SLC17A2: variants seen among roughly 807,000 people sequenced by gnomAD.
SLC17A2 encodes the protein solute carrier family 17 member 2, also known as sodium-dependent phosphate transport protein 3.
SLC17A2 carries 38 observed loss-of-function variants against 52.1 expected under a neutral mutation model. The ratio of observed to expected loss-of-function variants is 0.73; its 90% CI spans 0.56 to 0.96. The LOEUF (loss-of-function observed/expected upper bound fraction) is 0.96. Among genes scored for constraint, SLC17A2 ranks in the 40% least tolerant of loss-of-function variants. The pLI is 0.00. For synonymous variants in SLC17A2, 226 were observed against 211.9 expected, an observed-to-expected ratio of 1.07 and a Z score of -0.58; for missense variants, 508 against 583.9, an observed-to-expected ratio of 0.87 and a Z score of 1.34.
At chr6:25,915,279 A>ATC (rs1766266070) in intron 10 of SLC17A2, among the ~76,000 whole-genome samples, 1 of 150,166 alleles carries the variant, frequency 6.7e-6, no homozygotes, top group Non-Finnish European at 1.5e-5. Context: ...GAAGCTTGGG[A>ATC]AGGTTTTTGT....
Position 25,925,860 on chromosome 6 carries a change from T to C in SLC17A2, c.-64A>G. The C allele has an allele frequency of 6.7e-7, 1 of 1,485,088 alleles. No homozygotes were observed. Among genetic ancestry groups the C allele is most frequent in the Non-Finnish European group, 9.4e-7 (1 of 1,062,292 alleles). The allele number at this position is 1,485,088 out of a possible 1,614,324, so 92.0% of individuals were successfully genotyped here. A position where few individuals can be genotyped will look rare whatever the true frequency, so the allele number is the denominator to read the frequency against. On this transcript the variant is annotated 5_prime_UTR_variant, in exon 2 of 12. Transcript: ENST00000377850. ...AGTTTCCCTGTGCCCTGAATCTCTT[T>C]TACTACGACAGTCTTTTATCTATGG...
intron 1 of SLC17A2, among the ~76,000 whole-genome samples, chr6:25,928,813 C>A (rs374368185): frequency 6.6e-6 from 1 of 151,898 alleles, no homozygotes; most frequent in Non-Finnish European, 1.5e-5. Flanking sequence ...AGTGTCAGAA[C>A]CCTTCCCTTT....
At chr6:25,929,687 G>A (rs1349129233) in intron 1 of SLC17A2, among the ~76,000 whole-genome samples, 1 of 152,106 alleles carries the variant, frequency 6.6e-6, no homozygotes, top group Non-Finnish European at 1.5e-5. Flanking sequence ...CAATGTCCCT[G>A]GGTGCCTTTT....
intron 1 of SLC17A2, among the ~76,000 whole-genome samples, chr6:25,928,298 T>A (rs756290704): frequency 6.6e-6 from 1 of 152,122 alleles, no homozygotes; most frequent in African/African-American, 2.4e-5. Context: ...TTTTGAGGTA[T>A]TATAAAGGAG....
At chr6:25,918,837 A>T (rs182830305) in intron 5 of SLC17A2, among the ~76,000 whole-genome samples, 3 of 152,272 alleles carry the variant, frequency 2.0e-5, no homozygotes, top group African/African-American at 7.2e-5. Context: ...AGTTTGTCAC[A>T]GTAACTCTCT....
chr6:25,915,649 G>C lies in SLC17A2; in HGVS notation c.1064-3C>G. The C allele has an allele frequency of 6.2e-7, 1 of 1,613,624 alleles. No homozygotes were observed. ...ACATATTGATGGAAGGAGGAGCCCT[G>C]GGCAATGAGGACATGCTGTCAGGGA... On this transcript the variant is annotated splice_region_variant and splice_polypyrimidine_tract_variant and intron_variant, in intron 9 of 11. Transcript: ENST00000377850.
chr6:25,920,738 G>A (rs181332168), intron 5 of SLC17A2, among the ~76,000 whole-genome samples: 1 of 151,994 alleles, frequency 6.6e-6, no homozygotes, highest in African/African-American at 2.4e-5. Context: ...AACTTTTTCC[G>A]ACAAGGCTTT....
intron 10 of SLC17A2, 68 bp from the exon 11 acceptor site, chr6:25,914,738 C>A: frequency 1.0e-6 from 1 of 964,564 alleles, no homozygotes; most frequent in Non-Finnish European, 1.6e-6. Flanking sequence ...AGCAACTCAA[C>A]TTTAATGCAA....
In SLC17A2 at chr6:25,921,182, G is replaced by A; in HGVS notation, c.471C>T (p.Ala157=). ...VIMVRTVQGM[A]QGMAWTGQFT... ...GAATGAGAAAGTATCTGGATACCTG[G>A]GCCATGCCCTGGACTGTCCGAACCA... Residue 157 remains alanine (A), a synonymous_variant, in exon 4 of 12, where the codon GCC becomes GCT. Coordinates refer to ENST00000377850, the MANE Select transcript of SLC17A2 (RefSeq NM_001286123.3). 1 of 1,613,952 alleles carries A rather than the reference G, an allele frequency of 6.2e-7. No homozygotes were observed. The highest frequency in any genetic ancestry group is 8.5e-7 in the Non-Finnish European group (1 of 1,179,920).
At chr6:25,914,443 G>A in intron 11 of SLC17A2, 137 bp downstream of exon 11, 1 of 632,034 alleles carries the variant, frequency 1.6e-6, no homozygotes, top group Non-Finnish European at 2.9e-6. Flanking sequence ...TGGGAAATCT[G>A]ACCTACCAGA....
intron 2 of SLC17A2, among the ~76,000 whole-genome samples, chr6:25,925,284 C>T (rs1766717681): frequency 6.6e-6 from 1 of 152,028 alleles, no homozygotes; most frequent in Non-Finnish European, 1.5e-5. Context: ...GAGGCCGAGG[C>T]CGGTGGATCA....
At chr6:25,913,668 A>C (rs995918745) in intron 11 of SLC17A2, among the ~76,000 whole-genome samples, 4 of 152,366 alleles carry the variant, frequency 2.6e-5, no homozygotes, top group African/African-American at 9.6e-5. Context: ...AAACAAAAAT[A>C]AAATACACTA....
intron 3 of SLC17A2, among the ~76,000 whole-genome samples, chr6:25,922,285 G>A (rs890790080): frequency 2.0e-5 from 3 of 152,176 alleles, no homozygotes; most frequent in African/African-American, 7.2e-5. Context: ...CAGAAAGGAA[G>A]CAATACTTGA....
At chr6:25,926,891 AC>A (rs1203143729) in intron 1 of SLC17A2, among the ~76,000 whole-genome samples, 1 of 152,054 alleles carries the variant, frequency 6.6e-6, no homozygotes, top group Non-Finnish European at 1.5e-5. Context: ...ACATGGTGAA[AC>A]CCCATCTCTA....
rs773738887 is a variant in SLC17A2 at position 25,923,923 on chromosome 6, A to T, written c.29-17T>A. 17 of 1,602,948 alleles carry T rather than the reference A, an allele frequency of 1.1e-5. No individual in the cohort carries two copies. Among genetic ancestry groups the T allele is most frequent in the Middle Eastern group, 1.7e-4 (1 of 6,018 alleles). On this transcript the variant is annotated splice_polypyrimidine_tract_variant and intron_variant, in intron 2 of 11. Transcript: ENST00000377850. ...AATCTGGACCTAGACAACAACACAG[A>T]TGTATGTAGTGAGCATCCTGACTGA... is the stretch of plus-strand genomic sequence containing the variant.
At chr6:25,913,532 T>C (rs891736843) in intron 11 of SLC17A2, 81 bp from the exon 12 acceptor site, 5 of 1,326,796 alleles carry the variant, frequency 3.8e-6, no homozygotes, top group Non-Finnish European at 5.3e-6. Flanking sequence ...AGTTGTGTAT[T>C]GCAATGTTGA....
intron 2 of SLC17A2, among the ~76,000 whole-genome samples, chr6:25,924,836 A>T (rs1766700206): frequency 6.6e-6 from 1 of 151,962 alleles, no homozygotes; most frequent in South Asian, 2.1e-4. Context: ...TAATATGTAG[A>T]ACTATTTTTA....
At chr6:25,923,606 A>T (rs1461289710) in intron 3 of SLC17A2, 89 bp downstream of exon 3, 6 of 954,528 alleles carry the variant, frequency 6.3e-6, no homozygotes, top group Non-Finnish European at 8.2e-6. Flanking sequence ...TTGGAAATGT[A>T]TACTTCCATA....
intron 10 of SLC17A2, 143 bp downstream of exon 10, chr6:25,915,356 T>C (rs1766268612): frequency 1.4e-6 from 1 of 723,822 alleles, no homozygotes; most frequent in African/African-American, 1.8e-5. Flanking sequence ...GTTCTAAAAA[T>C]GGCCACAGAC....
Sources: allele counts gnomAD v4.1 joint callset (sites outside exome capture counted in the v4.1 genomes callset), GRCh38; gene constraint gnomAD v4.1.1; transcripts MANE v1.5; gene names NCBI Gene and HGNC (gene_info 2026-07-23, HGNC 2026-07-21).